Variants in ELL2 observed in about 807,000 individuals in gnomAD.
ELL2 encodes elongation factor for RNA polymerase II 2.
Under a neutral mutation model 72.8 loss-of-function variants are expected in ELL2, and 21 were observed. The observed-to-expected ratio is 0.29, with a 90% CI of 0.20 to 0.42. The LOEUF is 0.42. Ranked by LOEUF, ELL2 falls within the 10% of genes least tolerant of loss-of-function variation. The probability of loss-of-function intolerance (pLI) is 1.00; values close to 1 mark genes in which losing one functional copy is unlikely to be tolerated. For synonymous variants in ELL2, 266 were observed against 283.2 expected (o/e 0.94, Z 0.61); for missense variants, 568 against 772.8 (o/e 0.73, Z 3.14).
chr5:95,927,596 G>C (rs1489635832), intron 2 of ELL2, among the ~76,000 whole-genome samples: 1 of 25,082 alleles, frequency 4.0e-5, no homozygotes, highest in Non-Finnish European at 6.3e-5. Context: ...TGTGTATATA[G>C]ACATACACAC....
intron 2 of ELL2, among the ~76,000 whole-genome samples, chr5:95,936,064 G>T (rs1424898048): frequency 1.3e-5 from 2 of 152,208 alleles, no homozygotes; most frequent in African/African-American, 4.8e-5. Flanking sequence ...AAAGAGAATG[G>T]AATAGAACAT....
At chr5:95,960,141 T>C (rs1245603718) in intron 1 of ELL2, among the ~76,000 whole-genome samples, 1 of 152,106 alleles carries the variant, frequency 6.6e-6, no homozygotes, top group Non-Finnish European at 1.5e-5. Context: ...TGAATAACTA[T>C]GTGAATCTGT....
rs527928301 is a variant in ELL2, at chr5:95,950,900, A to ATG, written c.148-7853_148-7852dup. Among the ~76,000 whole-genome samples, 51 of 46,128 alleles carry ATG rather than the reference A, an allele frequency of 1.1e-3. 1 individual carries two copies. Among genetic ancestry groups the ATG allele is most frequent in the Middle Eastern group, 9.3e-3 (1 of 108 alleles). The allele number at this position is 46,128 out of a possible 152,430, so 30.3% of individuals were successfully genotyped here. On this transcript the variant is annotated intron_variant, in intron 1 of 11. Transcript: ENST00000237853. ...TTTATATATATATATGTATGTATGT[A>ATG]TGTGTATATATATATATATATATAT...
intron 1 of ELL2, among the ~76,000 whole-genome samples, chr5:95,960,669 G>C (rs1253162682): frequency 6.6e-6 from 1 of 152,002 alleles, no homozygotes; most frequent in Non-Finnish European, 1.5e-5. Flanking sequence ...CCAAGACGCC[G>C]GGAGCTTTTT....
chr5:95,914,226 T>C (rs1024219328), intron 3 of ELL2, among the ~76,000 whole-genome samples: 8 of 152,240 alleles, frequency 5.3e-5, no homozygotes, highest in East Asian at 3.9e-4. Flanking sequence ...TGATGGGCAT[T>C]GTAGTTGTTT....
chr5:95,907,292 A>ATTTTTTTTTT (rs895711670), intron 4 of ELL2, among the ~76,000 whole-genome samples: 2 of 76,042 alleles, frequency 2.6e-5, no homozygotes, highest in African/African-American at 1.5e-4. Flanking sequence ...ATATATATAT[A>ATTTTTTTTTT]TATATTTTTT....
chr5:95,894,638 A>C (rs181838532), intron 9 of ELL2, among the ~76,000 whole-genome samples: 1 of 152,360 alleles, frequency 6.6e-6, no homozygotes, highest in Non-Finnish European at 1.5e-5. Flanking sequence ...GAGGGTACTC[A>C]GCAAGGTTTC....
intron 8 of ELL2, 108 bp downstream of exon 8, chr5:95,898,132 A>T: frequency 2.1e-6 from 2 of 946,370 alleles, no homozygotes; most frequent in Non-Finnish European, 3.1e-6. Context: ...CAACACTAAG[A>T]TTAATAATTA....
At chr5:95,890,335 C>T (rs1252452543) in intron 10 of ELL2, among the ~76,000 whole-genome samples, 1 of 152,144 alleles carries the variant, frequency 6.6e-6, no homozygotes, top group Non-Finnish European at 1.5e-5. Context: ...TGTGGGAAAA[C>T]TCATCCATTG....
Position 95,929,548 on chromosome 5 carries a change from C to T in ELL2, c.196-10003G>A, listed in dbSNP as rs902100924. ...CTGGGATTACAGGTGTGAGCCACTG[C>T]GCCCAGCCGGTCTTACCCACTTTTA... On this transcript the variant is annotated intron_variant, in intron 2 of 11. Transcript: ENST00000237853. Among the ~76,000 whole-genome samples, 7 of 152,200 alleles carry T rather than the reference C, an allele frequency of 4.6e-5. No individual in the cohort carries two copies. The East Asian group carries it at 9.6e-4, about 21-fold the overall frequency.
chr5:95,938,118 A>C lies in ELL2; in HGVS notation c.195+4884T>G, dbSNP rs941954734. ...AAGTAAAATAAATAATTAACAAAAT[A>C]TCTCTGAAGGCTTTGCTAAGTTTGG... On this transcript the variant is annotated intron_variant, in intron 2 of 11. Coordinates refer to ENST00000237853, the MANE Select transcript of ELL2 (RefSeq NM_012081.6). 2.6e-5 allele frequency among the ~76,000 whole-genome samples: 4 copies of C among 152,216 alleles called. No individual in the cohort carries two copies. In the East Asian group the frequency reaches 7.7e-4, roughly 29 times the overall value.
At chr5:95,920,328 T>C in intron 2 of ELL2, among the ~76,000 whole-genome samples, 1 of 148,828 alleles carries the variant, frequency 6.7e-6, no homozygotes. Flanking sequence ...TATTTATTTT[T>C]GAGACGGAGT....
chr5:95,913,656 T>C (rs2112301250), intron 4 of ELL2, 115 bp downstream of exon 4: 1 of 1,191,096 alleles, frequency 8.4e-7, no homozygotes, highest in East Asian at 2.8e-5. Context: ...TTATCCAAAA[T>C]GTTCTGAAAA....
chr5:95,907,027 T>G (rs1043764964), intron 4 of ELL2, among the ~76,000 whole-genome samples: 3 of 152,164 alleles, frequency 2.0e-5, no homozygotes, highest in African/African-American at 2.4e-5. Flanking sequence ...GCATGTATTT[T>G]GGTCATTTTG....
intron 2 of ELL2, among the ~76,000 whole-genome samples, chr5:95,937,040 G>A (rs1483229979): frequency 6.6e-6 from 1 of 152,202 alleles, no homozygotes; most frequent in Non-Finnish European, 1.5e-5. Flanking sequence ...AAGGCAGTAA[G>A]CTTAACTCAT....
At chr5:95,954,596 CT>C (rs1169301940) in intron 1 of ELL2, among the ~76,000 whole-genome samples, 148 of 105,852 alleles carry the variant, frequency 1.4e-3, no homozygotes, top group Middle Eastern at 0.012. Flanking sequence ...TTTTTTTTTT[CT>C]TTTTTTTTTT....
chr5:95,886,622 G>A lies in ELL2; in HGVS notation c.*2249C>T, dbSNP rs1391913350. On this transcript the variant is annotated 3_prime_UTR_variant, in exon 12 of 12. Transcript: ENST00000237853. ...AGGAGGTGCCTCAGATCATGCAAAG[G>A]GGAAAAGTGATTTGCACCTGCTGAC... The A allele has an allele frequency of 6.6e-6, 1 of 151,592 alleles. No homozygotes were observed. Among genetic ancestry groups the A allele is most frequent in the Non-Finnish European group, 1.5e-5 (1 of 67,952 alleles). The allele number at this position is 151,592 out of a possible 1,614,324, so 9.4% of individuals were successfully genotyped here.
At chr5:95,892,284 T>A (rs1748695582) in intron 9 of ELL2, among the ~76,000 whole-genome samples, 1 of 152,032 alleles carries the variant, frequency 6.6e-6, no homozygotes, top group Non-Finnish European at 1.5e-5. Context: ...GTAGCTGAGA[T>A]TACAGGTACA....
At chr5:95,927,484 CGT>C (rs764572569) in intron 2 of ELL2, among the ~76,000 whole-genome samples, 8 of 31,216 alleles carry the variant, frequency 2.6e-4, no homozygotes, top group African/African-American at 3.3e-4. Flanking sequence ...CATACACACA[CGT>C]GTGTATATAG....
Sources: allele counts gnomAD v4.1 joint callset (sites outside exome capture counted in the v4.1 genomes callset), GRCh38; gene constraint gnomAD v4.1.1; transcripts MANE v1.5; gene names NCBI Gene and HGNC (gene_info 2026-07-23, HGNC 2026-07-21).